The following VWA8 variants were observed in gnomAD, a reference collection of about 807,000 sequenced individuals.
VWA8 encodes von Willebrand factor A domain-containing protein 8.
In VWA8, 221 loss-of-function variants were observed where a neutral mutation model predicts 241.5. That is an observed-to-expected ratio of 0.91 (90% confidence interval 0.82 to 1.02). The LOEUF is 1.02. Among genes scored for constraint, VWA8 ranks in the 50% least tolerant of loss-of-function variants. The pLI, the probability that VWA8 is intolerant of heterozygous loss-of-function variation, is 0.00. For missense variants in VWA8, 2,322 were observed against 2,328.7 expected, an observed-to-expected ratio of 1.00 and a Z score of 0.06; for synonymous variants, 852 against 827.1, an observed-to-expected ratio of 1.03 and a Z score of -0.52.
intron 12 of VWA8, among the ~76,000 whole-genome samples, chr13:41,838,576 G>T (rs929562298): frequency 6.6e-6 from 1 of 152,004 alleles, no homozygotes. Context: ...TATTTAAGTT[G>T]AGTTGCAAAA....
At position 41,921,419 on chromosome 13, in the gene VWA8, T is replaced by C. The variant is rs545934717; in HGVS notation, c.242-9251A>G. Among the ~76,000 whole-genome samples, 60 of 152,276 alleles carry C rather than the reference T, an allele frequency of 3.9e-4. 1 individual carries two copies. In the South Asian group the frequency reaches 0.012, roughly 32 times the overall value. On this transcript the variant is annotated intron_variant, in intron 2 of 44. Transcript: ENST00000379310. ...CTCTCACCACTCCTATTCAACACAG[T>C]GTTGGAAGTTCTGGCCAGGGCAATC... is the stretch of plus-strand genomic sequence containing the variant.
intron 23 of VWA8, among the ~76,000 whole-genome samples, chr13:41,728,388 T>C (rs899676386): frequency 6.6e-6 from 1 of 152,058 alleles, no homozygotes; most frequent in Non-Finnish European, 1.5e-5. Flanking sequence ...TTCATGAAAC[T>C]ACATTCAAAA....
chr13:41,749,987 G>C (rs531942766), intron 21 of VWA8, among the ~76,000 whole-genome samples: 1 of 151,558 alleles, frequency 6.6e-6, no homozygotes, highest in African/African-American at 2.4e-5. Flanking sequence ...ACAAACCTGC[G>C]CGTTGTGCAC....
chr13:41,710,010 G>A (rs1006172497), intron 26 of VWA8, among the ~76,000 whole-genome samples: 5 of 151,978 alleles, frequency 3.3e-5, no homozygotes. Context: ...GGCAGATAAT[G>A]AGTCTTCGTC....
chr13:41,663,515 C>G (rs933642386), intron 37 of VWA8, among the ~76,000 whole-genome samples: 5 of 152,260 alleles, frequency 3.3e-5, no homozygotes, highest in Admixed American at 1.3e-4. Flanking sequence ...AAGGTAACTA[C>G]TTCAACTCTG....
intron 2 of VWA8, among the ~76,000 whole-genome samples, chr13:41,929,427 A>G (rs942394267): frequency 6.6e-6 from 1 of 152,196 alleles, no homozygotes; most frequent in Admixed American, 6.5e-5. Context: ...TACTGGGATT[A>G]CAGGCATGAT....
intron 12 of VWA8, among the ~76,000 whole-genome samples, chr13:41,860,049 C>A (rs192588127): frequency 1.1e-3 from 160 of 152,204 alleles, no homozygotes; most frequent in African/African-American, 3.7e-3. Flanking sequence ...ACAGAGGAGT[C>A]TTATATTTGA....
chr13:41,864,477 C>T (rs1873195151), intron 12 of VWA8: 1 of 349,752 alleles, frequency 2.9e-6, no homozygotes, highest in Non-Finnish European at 5.5e-6. Context: ...TATAGACATA[C>T]AACAGAATAT....
intron 12 of VWA8, among the ~76,000 whole-genome samples, chr13:41,851,335 T>C (rs1872525399): frequency 6.6e-6 from 1 of 152,216 alleles, no homozygotes; most frequent in African/African-American, 2.4e-5. Context: ...AATGTAGTAT[T>C]TGCTTTTCAG....
chr13:41,703,249 A>C, intron 27 of VWA8, 54 bp downstream of exon 27: 1 of 1,426,696 alleles, frequency 7.0e-7, no homozygotes, highest in Non-Finnish European at 9.8e-7. Flanking sequence ...CAGGGAAGAT[A>C]CAGCAAAATT....
intron 21 of VWA8, among the ~76,000 whole-genome samples, chr13:41,759,946 A>T (rs2045727715): frequency 6.6e-6 from 1 of 151,696 alleles, no homozygotes; most frequent in Admixed American, 6.6e-5. Flanking sequence ...GCCATTTTGT[A>T]TGAGACAAAA....
chr13:41,742,698 G>A (rs771015271), intron 21 of VWA8, among the ~76,000 whole-genome samples: 1 of 152,154 alleles, frequency 6.6e-6, no homozygotes, highest in Non-Finnish European at 1.5e-5. Context: ...TGATTTAAAG[G>A]TCTCCTCCTA....
At chr13:41,922,942 C>A (rs535079239) in intron 2 of VWA8, among the ~76,000 whole-genome samples, 14 of 152,282 alleles carry the variant, frequency 9.2e-5, no homozygotes, top group African/African-American at 3.4e-4. Flanking sequence ...TGGGTATATA[C>A]CCAAAGGATT....
At chr13:41,651,503 A>G (rs1469337818) in intron 37 of VWA8, among the ~76,000 whole-genome samples, 1 of 152,166 alleles carries the variant, frequency 6.6e-6, no homozygotes, top group Non-Finnish European at 1.5e-5. Flanking sequence ...CGTAGTAAAT[A>G]TTTTAGGCTT....
chr13:41,650,804 G>C (rs1159933414), intron 37 of VWA8, among the ~76,000 whole-genome samples: 1 of 152,148 alleles, frequency 6.6e-6, no homozygotes, highest in Non-Finnish European at 1.5e-5. Flanking sequence ...GGAGGGATGT[G>C]TTTTGCTGAG....
intron 37 of VWA8, among the ~76,000 whole-genome samples, chr13:41,663,424 T>C (rs2044965459): frequency 6.6e-6 from 1 of 151,562 alleles, no homozygotes. Flanking sequence ...GTTTAATAAG[T>C]CAAATAGTAC....
chr13:41,881,382 G>T (rs1171787775), intron 9 of VWA8, among the ~76,000 whole-genome samples: 1 of 57,232 alleles, frequency 1.7e-5, no homozygotes, highest in African/African-American at 7.4e-5. Context: ...CGGGGGGGGG[G>T]GGGGGGGGGT....
intron 40 of VWA8, among the ~76,000 whole-genome samples, chr13:41,602,570 C>T (rs1194638781): frequency 2.0e-5 from 3 of 152,086 alleles, no homozygotes; most frequent in Non-Finnish European, 2.9e-5. Flanking sequence ...TTAAATAGCA[C>T]AATGAATGTA....
At chr13:41,589,251 G>A (rs1003905786) in intron 41 of VWA8, among the ~76,000 whole-genome samples, 3 of 152,072 alleles carry the variant, frequency 2.0e-5, no homozygotes, top group Non-Finnish European at 4.4e-5. Context: ...ATTTATGGCT[G>A]TCTAAAACTT....
Sources: allele counts gnomAD v4.1 joint callset (sites outside exome capture counted in the v4.1 genomes callset), GRCh38; gene constraint gnomAD v4.1.1; transcripts MANE v1.5; gene names NCBI Gene and HGNC (gene_info 2026-07-23, HGNC 2026-07-21).